Variants in ZNF571 observed in about 807,000 individuals in gnomAD.
ZNF571 encodes zinc finger protein 571.
In ZNF571, 4 loss-of-function variants were observed where a neutral mutation model predicts 7.7. The observed-to-expected ratio is 0.52, with a 90% CI of 0.25 to 1.18. ZNF571 has a LOEUF of 1.18. Among genes scored for constraint, ZNF571 ranks in the 50% most tolerant of loss-of-function variants. ZNF571 has a pLI of 0.14. For synonymous variants in ZNF571, 251 were observed against 232.4 expected (o/e 1.08, Z -0.73); for missense variants, 704 against 726.9 (o/e 0.97, Z 0.36).
Position 37,565,092 on chromosome 19 carries a change from G to A in ZNF571, c.1336C>T (p.Pro446Ser). The change falls in exon 4 of 4, where the codon CCC becomes TCC. Residue 446 changes from proline to serine, a missense_variant. Physicochemically the swap from Pro to Ser is moderately conservative, Grantham distance 74 (BLOSUM62 -1). Transcript: ENST00000451802. The stretch of plus-strand genomic sequence containing the variant: ...TTTCCACATTCCTTACATTCAAAGG[G>A]TTTCTCACCTGTATGAATTCTCTGA... ...EHQRIHTGEK[P>S]FECKECGKAF... The A allele has an allele frequency of 1.2e-6, 2 of 1,613,246 alleles. No individual in the cohort carries two copies. Among genetic ancestry groups the A allele is most frequent in the Non-Finnish European group, 1.7e-6 (2 of 1,179,498 alleles).
intron 3 of ZNF571, among the ~76,000 whole-genome samples, chr19:37,582,379 C>CACTG (rs1166616034): frequency 2.6e-5 from 4 of 152,224 alleles, no homozygotes; most frequent in Non-Finnish European, 5.9e-5. Context: ...GCTTCCAATA[C>CACTG]ACTGCATTCC....
chr19:37,572,710 A>T (rs545534684), intron 3 of ZNF571, among the ~76,000 whole-genome samples: 1 of 152,328 alleles, frequency 6.6e-6, no homozygotes, highest in African/African-American at 2.4e-5. Flanking sequence ...AAAGGTTAGA[A>T]GTAATCTGTT....
At chr19:37,572,827 C>G in intron 3 of ZNF571, among the ~76,000 whole-genome samples, 1 of 152,198 alleles carries the variant, frequency 6.6e-6, no homozygotes. Flanking sequence ...ATTACTATAA[C>G]TATTTACAAA....
At chr19:37,583,175 C>T (rs1183985441) in intron 3 of ZNF571, among the ~76,000 whole-genome samples, 1 of 152,188 alleles carries the variant, frequency 6.6e-6, no homozygotes, top group Non-Finnish European at 1.5e-5. Flanking sequence ...TTATTCAGGT[C>T]TTAATTCAAA....
chr19:37,564,520 G>A lies in ZNF571; in HGVS notation c.*78C>T. Reference sequence around the variant, plus strand: ...TCTAAGAATGAGCAGATTCTGAGCAGAAGCAAGATGTTCTACATTCATTAT... The same window carrying A: ...TCTAAGAATGAGCAGATTCTGAGCAAAAGCAAGATGTTCTACATTCATTAT... On this transcript the variant is annotated 3_prime_UTR_variant, in exon 4 of 4. Transcript: ENST00000451802. The A allele has an allele frequency of 7.5e-7, 1 of 1,341,526 alleles. No individual in the cohort carries two copies. The highest frequency in any genetic ancestry group is 9.8e-7 in the Non-Finnish European group (1 of 1,019,190). The allele number at this position is 1,341,526 out of a possible 1,614,324, so 83.1% of individuals were successfully genotyped here. A position where few individuals can be genotyped will look rare whatever the true frequency, so the allele number is the denominator to read the frequency against.
chr19:37,580,665 T>G (rs1260473737), intron 3 of ZNF571, among the ~76,000 whole-genome samples: 1 of 152,034 alleles, frequency 6.6e-6, no homozygotes, highest in Non-Finnish European at 1.5e-5. Context: ...GTGACTGAGC[T>G]CTCGCTCTAC....
intron 3 of ZNF571, among the ~76,000 whole-genome samples, chr19:37,571,426 G>A (rs192205603): frequency 1.7e-3 from 252 of 151,816 alleles, no homozygotes; most frequent in African/African-American, 5.9e-3. Context: ...AACCCAGGAA[G>A]TGGAGGTTGC....
intron 3 of ZNF571, among the ~76,000 whole-genome samples, chr19:37,577,547 T>C (rs1306946575): frequency 6.6e-6 from 1 of 152,204 alleles, no homozygotes; most frequent in African/African-American, 2.4e-5. Flanking sequence ...ATACCTTTTA[T>C]GTAATGAATT....
At chr19:37,591,686 AG>A (rs2043872425) in intron 1 of ZNF571, among the ~76,000 whole-genome samples, 1 of 152,174 alleles carries the variant, frequency 6.6e-6, no homozygotes, top group African/African-American at 2.4e-5. Flanking sequence ...CTGGGATTAC[AG>A]GAATGTGCCA....
At chr19:37,567,082 G>T (rs2042887442) in intron 3 of ZNF571, among the ~76,000 whole-genome samples, 1 of 152,122 alleles carries the variant, frequency 6.6e-6, no homozygotes, top group Non-Finnish European at 1.5e-5. Context: ...CTAGATACCT[G>T]CATGGCTTGT....
At chr19:37,571,208 A>G (rs965075498) in intron 3 of ZNF571, among the ~76,000 whole-genome samples, 1 of 152,114 alleles carries the variant, frequency 6.6e-6, no homozygotes, top group African/African-American at 2.4e-5. Flanking sequence ...TACAAATTCA[A>G]ACTACGATTC....
Position 37,566,310 on chromosome 19 carries a change from G to A in ZNF571, c.137-19C>T, listed in dbSNP as rs1280288024. The A allele has an allele frequency of 6.4e-7, 1 of 1,566,088 alleles. No individual in the cohort carries two copies. The highest frequency in any genetic ancestry group is 8.6e-7 in the Non-Finnish European group (1 of 1,161,812). On this transcript the variant is annotated intron_variant, in intron 3 of 3. Coordinates refer to ENST00000451802, the MANE Select transcript of ZNF571 (RefSeq NM_016536.5). ...TCCAAGTCTGTAGAATAAAAAGAAAGCAAATTCCTGCTTTTGTTTACAAGG... is the reference window on the plus strand; with the variant it reads ...TCCAAGTCTGTAGAATAAAAAGAAAACAAATTCCTGCTTTTGTTTACAAGG...
chr19:37,570,564 G>C (rs1459172290), intron 3 of ZNF571, among the ~76,000 whole-genome samples: 1 of 152,138 alleles, frequency 6.6e-6, no homozygotes, highest in Non-Finnish European at 1.5e-5. Context: ...GTATTCTGTA[G>C]TCTCTTTGGA....
chr19:37,580,779 A>C (rs993550399), intron 3 of ZNF571, among the ~76,000 whole-genome samples: 2 of 152,172 alleles, frequency 1.3e-5, no homozygotes, highest in Non-Finnish European at 2.9e-5. Flanking sequence ...TCATGAATGG[A>C]AGCAGCCTGA....
chr19:37,568,457 C>G (rs2045910), intron 3 of ZNF571, among the ~76,000 whole-genome samples: 44 of 151,948 alleles, frequency 2.9e-4, no homozygotes, highest in Admixed American at 7.9e-4. Context: ...TGAAAGAAAT[C>G]AATGGGCTTA....
Position 37,565,616 on chromosome 19 carries a change from C to G in ZNF571, c.812G>C (p.Arg271Thr). 6.2e-7 allele frequency: 1 copy of G among 1,613,234 alleles called. No individual in the cohort carries two copies. The change falls in exon 4 of 4, where the codon AGA (arginine) becomes ACA (threonine). Residue 271 changes from arginine (R) to threonine (T), a missense_variant. Transcript: ENST00000451802. ...SYCSQYTLHQ[R>T]IHSGEKPYEC... ...ATAGGGTTTTTCACCACTATGAATT[C>G]TCTGATGAAGAGTATATTGTGAACA...
chr19:37,568,325 C>CT (rs2042936417), intron 3 of ZNF571, among the ~76,000 whole-genome samples: 1 of 150,786 alleles, frequency 6.6e-6, no homozygotes, highest in Non-Finnish European at 1.5e-5. Context: ...CTACCCCCCC[C>CT]CACTTGCCAT....
intron 2 of ZNF571, among the ~76,000 whole-genome samples, chr19:37,584,784 A>T (rs576482833): frequency 1.3e-5 from 2 of 152,116 alleles, no homozygotes; most frequent in African/African-American, 4.8e-5. Context: ...AACACGGTGA[A>T]ACCCCGTCTC....
At chr19:37,582,304 G>A (rs988866411) in intron 3 of ZNF571, among the ~76,000 whole-genome samples, 61 of 152,150 alleles carry the variant, frequency 4.0e-4, no homozygotes, top group African/African-American at 1.4e-3. Context: ...AATTTTCAGC[G>A]TTCCTCTTAC....
Sources: gnomAD v4.1 joint callset for allele counts (sites outside exome capture counted in the v4.1 genomes callset) on GRCh38, gnomAD v4.1.1 for gene constraint, MANE v1.5 for transcripts, NCBI Gene and HGNC (gene_info 2026-07-23, HGNC 2026-07-21) for gene names.